FAM217A: variants seen among roughly 807,000 people sequenced by gnomAD.
The protein encoded by FAM217A is protein FAM217A.
In FAM217A, 13 loss-of-function variants were observed where a neutral mutation model predicts 18.5. The ratio of observed to expected loss-of-function variants is 0.70; its 90% confidence interval spans 0.46 to 1.12. The LOEUF (loss-of-function observed/expected upper bound fraction) is 1.12. Ranked by LOEUF, FAM217A falls within the 50% of genes most tolerant of loss-of-function variation. The pLI is 0.00. For synonymous variants in FAM217A, 161 were observed against 202.8 expected (o/e 0.79, Z 1.75); for missense variants, 560 against 575.4 (o/e 0.97, Z 0.27).
At chr6:4,073,371 T>A in intron 5 of FAM217A, 29 bp from the exon 6 acceptor site, 1 of 1,592,172 alleles carries the variant, frequency 6.3e-7, no homozygotes, top group Non-Finnish European at 8.6e-7. Context: ...TGGGTAATAG[T>A]TTAGTAGCTG....
Position 4,079,065 on chromosome 6 carries a change from G to A in FAM217A, c.-248C>T, listed in dbSNP as rs1183033332. 5.4e-6 allele frequency: 2 copies of A among 367,550 alleles called. No homozygotes were observed. Among genetic ancestry groups the A allele is most frequent in the Non-Finnish European group, 9.7e-6 (2 of 206,384 alleles). The allele number at this position is 367,550 out of a possible 1,614,324, so 22.8% of individuals were successfully genotyped here. ...CCTGCGAAGCCCGCGGGCCGGCGCA[G>A]GGGTGGGAGTCGGGCCCGGGGCCCA... On this transcript the variant is annotated 5_prime_UTR_variant, in exon 1 of 7. Coordinates refer to ENST00000274673, the MANE Select transcript of FAM217A (RefSeq NM_173563.3).
chr6:4,079,771 A>G (rs1770149469), upstream of FAM217A: 6 of 744,174 alleles, frequency 8.1e-6, no homozygotes, highest in South Asian at 1.1e-4. Context: ...ACATAGAAGA[A>G]GAGGCATCCT....
In FAM217A at chr6:4,073,312, T is replaced by G; in HGVS notation, c.265A>C (p.Asn89His). ...GTACTTCCTTCATTAAGAGGACAAT[T>G]CCATAATTGAAAGATCCCTTGTTTA... is the stretch of plus-strand genomic sequence containing the variant. ...NSKQGIFQLW[N>H]CPLNEGSTIE... The change falls in exon 6 of 7, where the codon AAT becomes CAT. Residue 89 changes from asparagine to histidine, a missense_variant. Transcript: ENST00000274673. 6.2e-7 allele frequency: 1 copy of G among 1,610,176 alleles called. No individual in the cohort carries two copies. The highest frequency in any genetic ancestry group is 8.5e-7 in the Non-Finnish European group (1 of 1,179,090).
At chr6:4,083,605 G>T (rs1770448485), upstream of FAM217A, among the ~76,000 whole-genome samples, 1 of 147,908 alleles carries the variant, frequency 6.8e-6, no homozygotes, top group Admixed American at 6.8e-5. Context: ...AGGGTGGAGT[G>T]CAATGGCACA....
chr6:4,082,132 G>A (rs893497601), upstream of FAM217A, among the ~76,000 whole-genome samples: 3 of 152,108 alleles, frequency 2.0e-5, no homozygotes, highest in African/African-American at 4.8e-5. Context: ...AAATGTGCAC[G>A]GCTGTGGAGA....
intron 2 of FAM217A, among the ~76,000 whole-genome samples, chr6:4,077,069 AAAG>A (rs375790539): frequency 1.8e-4 from 28 of 152,206 alleles, no homozygotes; most frequent in African/African-American, 6.3e-4. Context: ...TGTGAAAACA[AAAG>A]AAGTGAGCAC....
chr6:4,072,358 A>C (rs1316045706), intron 6 of FAM217A, among the ~76,000 whole-genome samples: 1 of 151,874 alleles, frequency 6.6e-6, no homozygotes, highest in Non-Finnish European at 1.5e-5. Flanking sequence ...CAAAAAAAGA[A>C]TTAAAACTCA....
upstream of FAM217A, chr6:4,087,329 T>C: frequency 8.1e-7 from 1 of 1,233,290 alleles, no homozygotes. Context: ...GGGCTGGTTT[T>C]CTCTGCTTTG....
chr6:4,081,686 G>A (rs1219867850), upstream of FAM217A, among the ~76,000 whole-genome samples: 1 of 152,160 alleles, frequency 6.6e-6, no homozygotes, highest in African/African-American at 2.4e-5. Flanking sequence ...TTACAATTAC[G>A]AGAAAAATTG....
At chr6:4,084,904 C>T (rs987907204) in intron 1 of FAM217A, 38 of 645,554 alleles carry the variant, frequency 5.9e-5, no homozygotes, top group African/African-American at 5.4e-4. Context: ...GCAGCTGCTG[C>T]GCTGCGGGAT....
intron 1 of FAM217A, among the ~76,000 whole-genome samples, chr6:4,078,049 C>CT (rs10600748): frequency 0.16 from 18,080 of 113,994 alleles, 1,983 homozygotes; most frequent in Middle Eastern, 0.23. Context: ...GAAAGAATCA[C>CT]TTTTTTTTTT....
chr6:4,078,985 A>C lies in FAM217A; in HGVS notation c.-168T>G. 2.0e-6 allele frequency: 1 copy of C among 494,614 alleles called. No homozygotes were observed. Among genetic ancestry groups the C allele is most frequent in the Non-Finnish European group, 3.6e-6 (1 of 280,818 alleles). 30.6% of individuals were successfully genotyped at this position (494,614 alleles called of 1,614,324 possible). A position where few individuals can be genotyped will look rare whatever the true frequency, so the allele number is the denominator to read the frequency against. The stretch of plus-strand genomic sequence containing the variant: ...GCGGCCTTCCTGCAGCGGGGGGACA[A>C]AGAGGGCGGCGGGCGGCTGGCGGCC... On this transcript the variant is annotated 5_prime_UTR_variant, in exon 1 of 7. Transcript: ENST00000274673.
rs774268947 is a variant in FAM217A, at chr6:4,068,980, A to G, written c.1243T>C (p.Ser415Pro). The G allele has an allele frequency of 6.2e-7, 1 of 1,614,178 alleles. No individual in the cohort carries two copies. The highest frequency in any genetic ancestry group is 8.5e-7 in the Non-Finnish European group (1 of 1,180,022). Residue 415 changes from serine (S) to proline (P), a missense_variant, in exon 7 of 7, where the codon TCA becomes CCA. Transcript: ENST00000274673. ...GTATGGCCAATAGTAGGTTTGAATG[A>G]GAGTTCTTGGCATGGACTTAAAATA... ...SSILSPCQEL[S>P]FKPTIGHTNQ...
Position 4,078,949 on chromosome 6 carries a change from C to A in FAM217A, c.-132G>T. The A allele has an allele frequency of 1.8e-6, 1 of 550,822 alleles. No homozygotes were observed. The highest frequency in any genetic ancestry group is 3.2e-6 in the Non-Finnish European group (1 of 311,092). The allele number at this position is 550,822 out of a possible 1,614,324, so 34.1% of individuals were successfully genotyped here. On this transcript the variant is annotated 5_prime_UTR_variant, in exon 1 of 7. Transcript: ENST00000274673. Reference sequence around the variant, plus strand: ...TGCGTGGCTGACGGCTTGGAGGGCGCCCCCTCTGCCGCGGCCTTCCTGCAG... The same window carrying A: ...TGCGTGGCTGACGGCTTGGAGGGCGACCCCTCTGCCGCGGCCTTCCTGCAG...
At chr6:4,080,682 T>C (rs1190425970), upstream of FAM217A, among the ~76,000 whole-genome samples, 1 of 152,192 alleles carries the variant, frequency 6.6e-6, no homozygotes, top group African/African-American at 2.4e-5. Flanking sequence ...ATCCCTTAGG[T>C]ATCTGCTCAT....
At chr6:4,080,329 T>C (rs1770205241), upstream of FAM217A, among the ~76,000 whole-genome samples, 1 of 152,240 alleles carries the variant, frequency 6.6e-6, no homozygotes, top group Admixed American at 6.5e-5. Flanking sequence ...TTCTTTGTAC[T>C]CCTCATAATC....
At chr6:4,077,259 C>T (rs1432239484) in intron 2 of FAM217A, 96 bp downstream of exon 2, 1 of 1,222,828 alleles carries the variant, frequency 8.2e-7, no homozygotes, top group African/African-American at 1.5e-5. Context: ...GATGCAAACG[C>T]AGCAAGGGCA....
Position 4,079,128 on chromosome 6 carries a change from C to A in FAM217A, c.-311G>T. 1 of 344,820 alleles carries A rather than the reference C, an allele frequency of 2.9e-6. No individual in the cohort carries two copies. Among genetic ancestry groups the A allele is most frequent in the South Asian group, 1.5e-4 (1 of 6,666 alleles). The allele number at this position is 344,820 out of a possible 1,614,324, so 21.4% of individuals were successfully genotyped here. A position where few individuals can be genotyped will look rare whatever the true frequency, so the allele number is the denominator to read the frequency against. ...GGGGCCGGGGCTGCGGCTCCGCGGG[C>A]TTCCCCACCGGCCGGGTCTCCCGGC... is the stretch of plus-strand genomic sequence containing the variant. On this transcript the variant is annotated 5_prime_UTR_variant, in exon 1 of 7. Transcript: ENST00000274673.
At chr6:4,071,543 G>A (rs879302371) in intron 6 of FAM217A, among the ~76,000 whole-genome samples, 11 of 152,146 alleles carry the variant, frequency 7.2e-5, no homozygotes, top group Admixed American at 3.3e-4. Flanking sequence ...GGAACTGCAC[G>A]TGGTGGACTC....
Sources: gnomAD v4.1 joint callset for allele counts (sites outside exome capture counted in the v4.1 genomes callset) on GRCh38, gnomAD v4.1.1 for gene constraint, MANE v1.5 for transcripts, NCBI Gene and HGNC (gene_info 2026-07-23, HGNC 2026-07-21) for gene names.